GALNT13: variants seen among roughly 807,000 people sequenced by gnomAD.
The protein encoded by GALNT13 is polypeptide N-acetylgalactosaminyltransferase 13.
GALNT13 carries 28 observed loss-of-function variants against 64.2 expected under a neutral mutation model. That is an observed-to-expected ratio of 0.44 (90% CI 0.32 to 0.60). GALNT13 has a LOEUF of 0.60. Ranked by LOEUF, GALNT13 falls within the 20% of genes least tolerant of loss-of-function variation. The probability of loss-of-function intolerance (pLI) is 0.05; values close to 1 mark genes in which losing one functional copy is unlikely to be tolerated. For synonymous variants in GALNT13, 214 were observed against 224.6 expected (o/e 0.95, Z 0.42); for missense variants, 577 against 669.8 (o/e 0.86, Z 1.53).
chr2:153,280,518 C>T, the GALNT13 span, among the ~76,000 whole-genome samples: 1 of 152,062 alleles, frequency 6.6e-6, no homozygotes, highest in Non-Finnish European at 1.5e-5. Context: ...ACAAACCTTC[C>T]TCTTGAAATT....
intron 4 of GALNT13, among the ~76,000 whole-genome samples, chr2:154,170,280 C>A (rs1012967890): frequency 1.3e-5 from 2 of 152,138 alleles, no homozygotes; most frequent in African/African-American, 2.4e-5. Context: ...ATGCTAATTT[C>A]TTCCAGAAAC....
chr2:154,147,666 C>T (rs576582338), intron 4 of GALNT13, among the ~76,000 whole-genome samples: 1 of 151,904 alleles, frequency 6.6e-6, no homozygotes, highest in African/African-American at 2.4e-5. Flanking sequence ...TATTTATACA[C>T]TTAATAATTC....
the GALNT13 span, among the ~76,000 whole-genome samples, chr2:153,326,945 G>A: frequency 7.2e-5 from 11 of 152,232 alleles, no homozygotes; most frequent in South Asian, 2.3e-3. Context: ...TTAGCTGGGT[G>A]TGGTGGCATG....
chr2:153,932,878 T>C (rs376798024), intron 2 of GALNT13, among the ~76,000 whole-genome samples: 2 of 152,124 alleles, frequency 1.3e-5, no homozygotes, highest in Admixed American at 6.6e-5. Context: ...TCCTCCTGCG[T>C]TGCCTTCCCA....
intron 3 of GALNT13, among the ~76,000 whole-genome samples, chr2:154,060,943 T>A (rs1161293091): frequency 6.6e-6 from 1 of 152,064 alleles, no homozygotes; most frequent in African/African-American, 2.4e-5. Flanking sequence ...GACGTGAAAT[T>A]ATTATTTATA....
chr2:154,047,302 G>A (rs2105339049), intron 3 of GALNT13, among the ~76,000 whole-genome samples: 1 of 152,280 alleles, frequency 6.6e-6, no homozygotes, highest in East Asian at 1.9e-4. Context: ...TGATCTTTAA[G>A]AGTGAAATTT....
intron 3 of GALNT13, among the ~76,000 whole-genome samples, chr2:154,039,693 G>A (rs1698869873): frequency 7.2e-6 from 1 of 139,182 alleles, no homozygotes; most frequent in Non-Finnish European, 1.7e-5. Flanking sequence ...AAGTTCTAGT[G>A]TTCTGTAGCA....
chr2:154,382,799 TA>T (rs397733620), intron 9 of GALNT13, among the ~76,000 whole-genome samples: 2 of 147,382 alleles, frequency 1.4e-5, no homozygotes, highest in Non-Finnish European at 3.0e-5. Flanking sequence ...TTTTTTTTTT[TA>T]AATATAAGTT....
the GALNT13 span, among the ~76,000 whole-genome samples, chr2:153,270,131 G>A: frequency 6.6e-6 from 1 of 152,184 alleles, no homozygotes; most frequent in Non-Finnish European, 1.5e-5. Flanking sequence ...AATTTAGTTT[G>A]GGACCAATTC....
the GALNT13 span, among the ~76,000 whole-genome samples, chr2:153,731,422 C>T: frequency 6.6e-6 from 1 of 151,796 alleles, no homozygotes; most frequent in East Asian, 1.9e-4. Context: ...GATGAGTACA[C>T]TAAAAGCCTA....
chr2:153,989,604 C>T lies in GALNT13; in HGVS notation c.142+44965C>T, dbSNP rs564966669. ...AGAGTACTCTTGGCAAGGTGGATTA[C>T]GTAAGGAAAGGTATATGGGTGTAGC... On this transcript the variant is annotated intron_variant, in intron 3 of 12. Transcript: ENST00000392825. Among the ~76,000 whole-genome samples the T allele has an allele frequency of 5.3e-5, 8 of 151,914 alleles. No individual in the cohort carries two copies. In the East Asian group the frequency reaches 5.8e-4, roughly 11 times the overall value.
At chr2:153,942,141 C>G (rs1005670273) in intron 2 of GALNT13, among the ~76,000 whole-genome samples, 1 of 151,934 alleles carries the variant, frequency 6.6e-6, no homozygotes, top group Admixed American at 6.6e-5. Context: ...TTTTCTTGAA[C>G]GATTTTTTAA....
intron 3 of GALNT13, among the ~76,000 whole-genome samples, chr2:154,090,734 C>T (rs940646434): frequency 2.6e-5 from 4 of 151,836 alleles, no homozygotes; most frequent in African/African-American, 9.7e-5. Context: ...TATATTTATC[C>T]TATTCACTGC....
At chr2:153,752,904 T>G in the GALNT13 span, among the ~76,000 whole-genome samples, 1 of 152,180 alleles carries the variant, frequency 6.6e-6, no homozygotes, top group South Asian at 2.1e-4. Context: ...GAGGCTATTT[T>G]CTAGATCTTA....
chr2:153,355,049 T>G, the GALNT13 span, among the ~76,000 whole-genome samples: 1 of 152,276 alleles, frequency 6.6e-6, no homozygotes, highest in Admixed American at 6.5e-5. Flanking sequence ...AAGTGCATTC[T>G]CTAGAGAAGA....
the GALNT13 span, among the ~76,000 whole-genome samples, chr2:153,609,142 A>G: frequency 8.6e-5 from 13 of 151,778 alleles, no homozygotes; most frequent in African/African-American, 3.1e-4. Flanking sequence ...GGGTTTCACC[A>G]TGTTCCCCAG....
chr2:153,787,142 A>C, the GALNT13 span, among the ~76,000 whole-genome samples: 1 of 152,164 alleles, frequency 6.6e-6, no homozygotes, highest in Non-Finnish European at 1.5e-5. Flanking sequence ...TGGGAAGCCC[A>C]GGAGTACTAA....
At chr2:153,382,047 C>T in the GALNT13 span, among the ~76,000 whole-genome samples, 5 of 152,052 alleles carry the variant, frequency 3.3e-5, no homozygotes, top group Non-Finnish European at 7.4e-5. Context: ...ACAGGCAATG[C>T]TGATAACCAA....
chr2:153,774,500 C>T, the GALNT13 span, among the ~76,000 whole-genome samples: 1 of 152,132 alleles, frequency 6.6e-6, no homozygotes, highest in African/African-American at 2.4e-5. Flanking sequence ...GTTGATTCAT[C>T]AAACGTTTAT....
Sources: gnomAD v4.1 joint callset for allele counts (sites outside exome capture counted in the v4.1 genomes callset) on GRCh38, gnomAD v4.1.1 for gene constraint, MANE v1.5 for transcripts, NCBI Gene and HGNC (gene_info 2026-07-23, HGNC 2026-07-21) for gene names.